ERBB4: variants seen among roughly 807,000 people sequenced by gnomAD.
ERBB4 encodes the protein receptor tyrosine-protein kinase erbB-4.
A neutral mutation model predicts 158.0 loss-of-function variants in ERBB4; 42 were observed. The observed-to-expected ratio is 0.27, with a 90% confidence interval of 0.21 to 0.34. The LOEUF (loss-of-function observed/expected upper bound fraction) is 0.34, where lower values mean the gene tolerates loss of function less well. Among genes scored for constraint, ERBB4 ranks in the 10% least tolerant of loss-of-function variants. The pLI is 1.00. For missense variants in ERBB4, 1,333 were observed against 1,624.1 expected (o/e 0.82, Z 3.08); for synonymous variants, 583 against 558.7 (o/e 1.04, Z -0.61).
At chr2:212,351,789 G>A (rs2089263715) in intron 1 of ERBB4, among the ~76,000 whole-genome samples, 1 of 152,098 alleles carries the variant, frequency 6.6e-6, no homozygotes, top group Admixed American at 6.6e-5. Flanking sequence ...TCGTTGCTAT[G>A]TATTATACTG....
chr2:211,941,234 C>A (rs1216598824), intron 3 of ERBB4, among the ~76,000 whole-genome samples: 5 of 150,528 alleles, frequency 3.3e-5, no homozygotes, highest in Admixed American at 2.6e-4. Flanking sequence ...AGTAATTTAC[C>A]CTTAAGCTAA....
At chr2:212,293,924 G>A (rs1445182821) in intron 1 of ERBB4, among the ~76,000 whole-genome samples, 1 of 150,236 alleles carries the variant, frequency 6.7e-6, no homozygotes, top group Admixed American at 6.7e-5. Context: ...ATATGTGTGT[G>A]TAGAGAGAAT....
chr2:212,487,194 G>A lies in ERBB4; in HGVS notation c.82+51255C>T, dbSNP rs566897222. Among the ~76,000 whole-genome samples the A allele has an allele frequency of 2.8e-3, 432 of 152,156 alleles. 3 individuals are homozygous for A. Among genetic ancestry groups the A allele is most frequent in the Non-Finnish European group, 4.3e-3 (292 of 67,992 alleles). On this transcript the variant is annotated intron_variant, in intron 1 of 27. Coordinates refer to ENST00000342788, the MANE Select transcript of ERBB4 (RefSeq NM_005235.3). ...CTTGGTTTGCTTTGACTGGGGAGAGGGAGGCAAGGGATTGTAACAGCATTA... is the reference window on the plus strand; with the variant it reads ...CTTGGTTTGCTTTGACTGGGGAGAGAGAGGCAAGGGATTGTAACAGCATTA...
intron 2 of ERBB4, among the ~76,000 whole-genome samples, chr2:211,966,071 G>A (rs929459666): frequency 1.3e-5 from 2 of 152,014 alleles, no homozygotes; most frequent in African/African-American, 2.4e-5. Context: ...AAATTTAGCC[G>A]GACATTGTGG....
chr2:211,525,862 G>A (rs879330260), intron 20 of ERBB4, among the ~76,000 whole-genome samples: 10 of 152,056 alleles, frequency 6.6e-5, no homozygotes, highest in Non-Finnish European at 1.3e-4. Context: ...TCCCCTTCCT[G>A]TGGAAAGGGG....
chr2:212,432,938 A>G (rs573454147), intron 1 of ERBB4, among the ~76,000 whole-genome samples: 3 of 152,042 alleles, frequency 2.0e-5, no homozygotes, highest in Non-Finnish European at 4.4e-5. Flanking sequence ...ACAGTGTTAC[A>G]TGGTATTTTC....
chr2:212,331,815 A>C (rs568013038), intron 1 of ERBB4, among the ~76,000 whole-genome samples: 4 of 152,132 alleles, frequency 2.6e-5, no homozygotes, highest in African/African-American at 9.6e-5. Flanking sequence ...TTATACAGTA[A>C]TTTACCTGCT....
At chr2:212,409,714 GA>G (rs2106483497) in intron 1 of ERBB4, among the ~76,000 whole-genome samples, 1 of 152,230 alleles carries the variant, frequency 6.6e-6, no homozygotes, top group South Asian at 2.1e-4. Flanking sequence ...TTTGCAGAAT[GA>G]GTTGTTGTCT....
At chr2:212,496,416 T>G (rs1439870971) in intron 1 of ERBB4, among the ~76,000 whole-genome samples, 1 of 152,168 alleles carries the variant, frequency 6.6e-6, no homozygotes, top group East Asian at 1.9e-4. Flanking sequence ...ACACCATTAC[T>G]TGCAAATATT....
chr2:212,260,681 C>A (rs1164234637), intron 1 of ERBB4, among the ~76,000 whole-genome samples: 1 of 151,904 alleles, frequency 6.6e-6, no homozygotes, highest in Non-Finnish European at 1.5e-5. Flanking sequence ...AGCATGGTGG[C>A]GGGTGCTTGC....
intron 1 of ERBB4, among the ~76,000 whole-genome samples, chr2:212,405,249 A>G (rs540140697): frequency 6.6e-6 from 1 of 152,228 alleles, no homozygotes; most frequent in South Asian, 2.1e-4. Flanking sequence ...ATTTGATATC[A>G]CTTATTATCA....
chr2:212,534,695 G>C (rs1692944985), intron 1 of ERBB4, among the ~76,000 whole-genome samples: 1 of 152,124 alleles, frequency 6.6e-6, no homozygotes, highest in Non-Finnish European at 1.5e-5. Flanking sequence ...TAAATACTAA[G>C]ATGTAAAGAG....
intron 20 of ERBB4, among the ~76,000 whole-genome samples, chr2:211,443,033 T>C (rs2064025224): frequency 6.6e-6 from 1 of 151,990 alleles, no homozygotes; most frequent in South Asian, 2.1e-4. Flanking sequence ...CAATAAATAA[T>C]AGTCGATTGA....
chr2:211,962,844 T>TA lies in ERBB4; in HGVS notation c.235-15229dup, dbSNP rs762433784. On this transcript the variant is annotated intron_variant, in intron 2 of 27. Transcript: ENST00000342788. ...TTGGGAGACTTGGTTGATGGCGCTT[T>TA]AAAAAAACCAGTATAAGGAACAAGT... Among the ~76,000 whole-genome samples the TA allele has an allele frequency of 7.9e-5, 12 of 152,178 alleles. No homozygotes were observed. The East Asian group carries it at 1.7e-3, about 22-fold the overall frequency.
At chr2:211,662,969 G>A (rs1174844245) in intron 15 of ERBB4, among the ~76,000 whole-genome samples, 1 of 152,116 alleles carries the variant, frequency 6.6e-6, no homozygotes, top group Non-Finnish European at 1.5e-5. Flanking sequence ...TTACTGATAG[G>A]TCGATTATTA....
intron 1 of ERBB4, among the ~76,000 whole-genome samples, chr2:212,152,796 C>T (rs985915285): frequency 7.2e-5 from 11 of 152,156 alleles, no homozygotes; most frequent in Non-Finnish European, 1.5e-4. Context: ...CTTGTGCTTC[C>T]TCATTCAGTG....
chr2:212,246,872 T>C (rs1325776492), intron 1 of ERBB4, among the ~76,000 whole-genome samples: 1 of 152,156 alleles, frequency 6.6e-6, no homozygotes, highest in Non-Finnish European at 1.5e-5. Context: ...CTCCCAGTAT[T>C]TACCATCTAA....
intron 19 of ERBB4, among the ~76,000 whole-genome samples, chr2:211,574,794 T>C (rs1461209304): frequency 6.6e-6 from 1 of 152,242 alleles, no homozygotes; most frequent in African/African-American, 2.4e-5. Context: ...TTATTAGACC[T>C]GTCACTTGGT....
intron 1 of ERBB4, among the ~76,000 whole-genome samples, chr2:212,153,553 C>T (rs1039302984): frequency 3.9e-5 from 6 of 152,122 alleles, no homozygotes; most frequent in Non-Finnish European, 8.8e-5. Context: ...AAGGAAAATA[C>T]AGTGTGTTAT....
Sources: allele counts gnomAD v4.1 joint callset (sites outside exome capture counted in the v4.1 genomes callset), GRCh38; gene constraint gnomAD v4.1.1; transcripts MANE v1.5; gene names NCBI Gene and HGNC (gene_info 2026-07-23, HGNC 2026-07-21).